Variants in ACTN1 observed in about 807,000 individuals in gnomAD.
The protein encoded by ACTN1 is actinin alpha 1.
In ACTN1, 30 loss-of-function variants were observed where a neutral mutation model predicts 119.6. The ratio of observed to expected loss-of-function variants is 0.25; its 90% CI spans 0.19 to 0.34. ACTN1 has a LOEUF of 0.34. Ranked by LOEUF, ACTN1 falls within the 10% of genes least tolerant of loss-of-function variation. The pLI, the probability that ACTN1 is intolerant of heterozygous loss-of-function variation, is 1.00. For missense variants in ACTN1, 764 were observed against 1,223.4 expected (o/e 0.62, Z 5.60); for synonymous variants, 429 against 472.6 (o/e 0.91, Z 1.20).
At chr14:68,950,797 G>A (rs902204816) in intron 1 of ACTN1, among the ~76,000 whole-genome samples, 2 of 152,140 alleles carry the variant, frequency 1.3e-5, no homozygotes, top group African/African-American at 4.8e-5. Context: ...TACTGACCTT[G>A]TGATCTGGCT....
chr14:68,928,558 G>A (rs1320819339), intron 1 of ACTN1, among the ~76,000 whole-genome samples: 2 of 152,194 alleles, frequency 1.3e-5, no homozygotes, highest in African/African-American at 4.8e-5. Flanking sequence ...ACTATTTACT[G>A]GCTGTGTGAC....
chr14:68,925,318 C>CTTTT lies in ACTN1; in HGVS notation c.220+236_220+239dup, dbSNP rs36108835. ...GAAGGAACCTCAGTTCCTTCAAACC[C>CTTTT]TTTTTTTTTTTTTTTTTTTTTTTAA... On this transcript the variant is annotated intron_variant, in intron 2 of 21. Transcript: ENST00000394419. The surrounding 1 kb of genome is among the most constrained non-coding windows in gnomAD (Gnocchi z 4.3). Among the ~76,000 whole-genome samples the CTTTT allele has an allele frequency of 3.3e-5, 4 of 121,236 alleles. No individual in the cohort carries two copies. The highest frequency in any genetic ancestry group is 6.8e-4 in the South Asian group (2 of 2,950). The allele number at this position is 121,236 out of a possible 152,430, so 79.5% of individuals were successfully genotyped here. A position where few individuals can be genotyped will look rare whatever the true frequency, so the allele number is the denominator to read the frequency against.
chr14:68,950,099 G>C (rs926511949), intron 1 of ACTN1, among the ~76,000 whole-genome samples: 1 of 152,078 alleles, frequency 6.6e-6, no homozygotes, highest in South Asian at 2.1e-4. Flanking sequence ...TTCGAGACCA[G>C]CCTAGCCAAC....
intron 8 of ACTN1, 132 bp downstream of exon 8, chr14:68,902,345 G>C (rs956532768): frequency 2.7e-6 from 2 of 752,760 alleles, no homozygotes; most frequent in Non-Finnish European, 4.6e-6. Context: ...CAGAACTAGG[G>C]ACTGCCTCTG....
chr14:68,881,953 T>TC (rs2031565315), intron 16 of ACTN1, among the ~76,000 whole-genome samples: 1 of 114,162 alleles, frequency 8.8e-6, no homozygotes, highest in South Asian at 2.9e-4. Flanking sequence ...TTTTTTTTTT[T>TC]TTGACAGAGT....
At chr14:68,964,408 A>C (rs1363247687) in intron 1 of ACTN1, among the ~76,000 whole-genome samples, 1 of 152,216 alleles carries the variant, frequency 6.6e-6, no homozygotes, top group Non-Finnish European at 1.5e-5. Context: ...GGTGCACAGG[A>C]ATGTACGGGT....
At chr14:68,964,382 G>T (rs2036634681) in intron 1 of ACTN1, among the ~76,000 whole-genome samples, 1 of 152,224 alleles carries the variant, frequency 6.6e-6, no homozygotes. Context: ...CACGACCAGA[G>T]AGGGGCCACT....
Position 68,889,228 on chromosome 14 carries a change from G to A in ACTN1, c.1234+911C>T, listed in dbSNP as rs116767170. The stretch of plus-strand genomic sequence containing the variant: ...CTGCCAATAAGCAGACACCAGACAC[G>A]CCCCCAAGAGCCTCAAGGTTGGAGC... On this transcript the variant is annotated intron_variant, in intron 11 of 21. Transcript: ENST00000394419. 4.6e-3 allele frequency among the ~76,000 whole-genome samples: 705 copies of A among 152,238 alleles called. 5 individuals carry two copies. The highest frequency in any genetic ancestry group is 0.016 in the African/African-American group (671 of 41,538).
rs1473280696 is a variant in ACTN1, at chr14:68,979,077, G to A, written c.-21C>T. On this transcript the variant is annotated 5_prime_UTR_variant, in exon 1 of 22. Transcript: ENST00000394419. ...TCCATGATGGTGCGCGCGTGCTAGG[G>A]TCTGGATTTCTTCCTCCACCTTCTC... The A allele has an allele frequency of 6.6e-7, 1 of 1,518,672 alleles. No homozygotes were observed. Among genetic ancestry groups the A allele is most frequent in the East Asian group, 2.7e-5 (1 of 37,178 alleles). 94.1% of individuals were successfully genotyped at this position (1,518,672 alleles called of 1,614,324 possible). A position where few individuals can be genotyped will look rare whatever the true frequency, so the allele number is the denominator to read the frequency against.
At chr14:68,977,908 G>A (rs959417314) in intron 1 of ACTN1, 4 of 455,246 alleles carry the variant, frequency 8.8e-6, no homozygotes, top group Admixed American at 2.4e-5. Flanking sequence ...GGGAGGGAAA[G>A]GGGTATTCAG....
intron 8 of ACTN1, among the ~76,000 whole-genome samples, chr14:68,901,596 G>T (rs2033337623): frequency 6.6e-6 from 1 of 152,196 alleles, no homozygotes; most frequent in African/African-American, 2.4e-5. Context: ...GAGGGCAGGA[G>T]ATCTGCATGA....
rs199901015 is a variant in ACTN1, at chr14:68,874,953, G to A, written c.2651C>T (p.Ala884Val). 144 of 1,613,580 alleles carry A rather than the reference G, an allele frequency of 8.9e-5. No homozygotes were observed. Among genetic ancestry groups the A allele is most frequent in the Middle Eastern group, 1.6e-4 (1 of 6,082 alleles). Residue 884 changes from alanine to valine, a missense_variant, in exon 22 of 22, where the codon GCG (alanine) becomes GTG (valine). This residue lies in a region of ACTN1 where 102 missense variants were observed against 78.2 expected (regional missense o/e 1.30). Coordinates refer to ENST00000394419, the MANE Select transcript of ACTN1 (RefSeq NM_001130004.2). ...LPPDQAEYCI[A>V]RMAPYTGPDS... ...GGGGCCGGTGTAGGGGGCCATCCGC[G>A]CGATGCAGTACTCAGCCTGGTCGGG...
At chr14:68,933,713 G>A (rs1765446774) in intron 1 of ACTN1, among the ~76,000 whole-genome samples, 1 of 151,920 alleles carries the variant, frequency 6.6e-6, no homozygotes, top group Non-Finnish European at 1.5e-5. Flanking sequence ...TGGGTGTAGT[G>A]GCTTATGCCT....
intron 1 of ACTN1, among the ~76,000 whole-genome samples, chr14:68,972,251 C>T (rs554633395): frequency 2.7e-4 from 41 of 152,252 alleles, no homozygotes; most frequent in African/African-American, 9.6e-4. Context: ...TCCTTCATCC[C>T]GCTTTCTACA....
At chr14:68,913,075 A>C (rs550806280) in intron 3 of ACTN1, among the ~76,000 whole-genome samples, 1 of 152,388 alleles carries the variant, frequency 6.6e-6, no homozygotes, top group African/African-American at 2.4e-5. Flanking sequence ...TTAAAAAATC[A>C]AACAATAGCT....
chr14:68,924,865 T>G (rs1311104513), intron 2 of ACTN1, among the ~76,000 whole-genome samples: 1 of 152,216 alleles, frequency 6.6e-6, no homozygotes, highest in Non-Finnish European at 1.5e-5. Context: ...AAAAGAGGTT[T>G]GCTAGGGCAG....
intron 1 of ACTN1, chr14:68,973,735 G>C (rs1284691418): frequency 6.6e-6 from 1 of 152,170 alleles, no homozygotes; most frequent in Non-Finnish European, 1.5e-5. Flanking sequence ...GCCAGGTTTG[G>C]CCAAACAGTA....
chr14:68,945,678 G>T (rs1417642465), intron 1 of ACTN1, among the ~76,000 whole-genome samples: 2 of 152,184 alleles, frequency 1.3e-5, no homozygotes, highest in African/African-American at 4.8e-5. Flanking sequence ...AGACGGGGAG[G>T]AGGGGCAGAG....
intron 21 of ACTN1, among the ~76,000 whole-genome samples, chr14:68,876,496 C>T (rs1197707716): frequency 1.3e-5 from 2 of 151,922 alleles, no homozygotes; most frequent in Non-Finnish European, 2.9e-5. Context: ...TTCTGGGTAA[C>T]ATCCAGGTCT....
Sources: allele counts gnomAD v4.1 joint callset (sites outside exome capture counted in the v4.1 genomes callset), GRCh38; gene constraint gnomAD v4.1.1; regional missense constraint gnomAD v4.1.1; non-coding constraint Gnocchi (gnomAD v3.1); transcripts MANE v1.5; gene names NCBI Gene and HGNC (gene_info 2026-07-23, HGNC 2026-07-21).